Variants in INPP4B observed in about 807,000 individuals in gnomAD.
The protein encoded by INPP4B is inositol polyphosphate-4-phosphatase type II B.
A neutral mutation model predicts 122.5 loss-of-function variants in INPP4B; 55 were observed. That is an observed-to-expected ratio of 0.45 (90% CI 0.36 to 0.56). INPP4B has a LOEUF of 0.56. INPP4B is among the 20% of genes least tolerant of loss of function. INPP4B has a pLI of 0.00. For synonymous variants in INPP4B, 403 were observed against 388.7 expected (o/e 1.04, Z -0.43); for missense variants, 1,000 against 1,097.7 (o/e 0.91, Z 1.26).
In INPP4B at chr4:142,042,626, G is replaced by T. The variant is rs890509571; in HGVS notation, c.2643-13712C>A. Among the ~76,000 whole-genome samples the T allele has an allele frequency of 3.3e-5, 5 of 152,104 alleles. No individual in the cohort carries two copies. The South Asian group carries it at 1.0e-3, about 32-fold the overall frequency. ...CGCCCAGGCTGGAGTGCAGTGATGC[G>T]ATCTCAGCTCACTGCAACCTCCGCC... On this transcript the variant is annotated intron_variant, in intron 25 of 25. Transcript: ENST00000262992.
chr4:142,118,280 T>C (rs1459460041), intron 21 of INPP4B, among the ~76,000 whole-genome samples: 8 of 152,152 alleles, frequency 5.3e-5, no homozygotes, highest in South Asian at 2.1e-4. Context: ...CTTCACAGAA[T>C]TGGAAAAAAC....
intron 1 of INPP4B, among the ~76,000 whole-genome samples, chr4:142,832,825 T>C (rs1219299103): frequency 2.0e-5 from 3 of 152,124 alleles, no homozygotes; most frequent in Non-Finnish European, 2.9e-5. Context: ...TACTGGATTT[T>C]TAAATTTCAC....
intron 24 of INPP4B, 148 bp downstream of exon 24, chr4:142,085,996 C>A: frequency 3.1e-6 from 2 of 648,388 alleles, no homozygotes; most frequent in African/African-American, 1.9e-5. Flanking sequence ...GAACTACCAA[C>A]AAGAGTAAAA....
chr4:142,159,462 A>G (rs11724936), intron 17 of INPP4B, among the ~76,000 whole-genome samples: 16,623 of 151,524 alleles, frequency 0.11, 988 homozygotes, highest in Middle Eastern at 0.14. Context: ...ACAGCCTTTC[A>G]GATAACATTT....
At chr4:142,676,941 T>C (rs1757897142) in intron 2 of INPP4B, among the ~76,000 whole-genome samples, 1 of 152,150 alleles carries the variant, frequency 6.6e-6, no homozygotes, top group Non-Finnish European at 1.5e-5. Context: ...GGCGCAGACT[T>C]CATTACCAAA....
intron 2 of INPP4B, among the ~76,000 whole-genome samples, chr4:142,619,742 G>A (rs1329581222): frequency 6.6e-6 from 1 of 151,970 alleles, no homozygotes; most frequent in Non-Finnish European, 1.5e-5. Context: ...AATGTGTTAA[G>A]AGGGCAGATC....
At chr4:142,125,777 C>A (rs1331381958) in intron 18 of INPP4B, among the ~76,000 whole-genome samples, 1 of 152,094 alleles carries the variant, frequency 6.6e-6, no homozygotes, top group Non-Finnish European at 1.5e-5. Context: ...TTTTCCTCTG[C>A]AAGAAAGATA....
chr4:142,221,227 G>A (rs1443196704), intron 12 of INPP4B, among the ~76,000 whole-genome samples: 2 of 151,616 alleles, frequency 1.3e-5, no homozygotes, highest in African/African-American at 4.8e-5. Context: ...GTGAAACCAT[G>A]TCTCTACTAA....
chr4:142,758,938 G>C (rs920662610), intron 1 of INPP4B, among the ~76,000 whole-genome samples: 13 of 144,828 alleles, frequency 9.0e-5, no homozygotes, highest in Non-Finnish European at 1.5e-4. Context: ...GAGAGACAGA[G>C]TGAGACTCAG....
chr4:142,837,890 C>A (rs564239559), intron 1 of INPP4B, among the ~76,000 whole-genome samples: 1 of 152,070 alleles, frequency 6.6e-6, no homozygotes. Context: ...CAGAAAATAT[C>A]CATCACAGTG....
At chr4:142,508,438 C>T (rs760776783) in intron 2 of INPP4B, among the ~76,000 whole-genome samples, 7 of 152,084 alleles carry the variant, frequency 4.6e-5, no homozygotes, top group Non-Finnish European at 8.8e-5. Context: ...CCATGCCTGG[C>T]TAATTTTTGT....
intron 2 of INPP4B, among the ~76,000 whole-genome samples, chr4:142,576,244 G>C (rs915978325): frequency 6.6e-6 from 1 of 151,910 alleles, no homozygotes; most frequent in East Asian, 1.9e-4. Context: ...GTAGCAGAAC[G>C]TTCCAGAATT....
At chr4:142,593,833 GTTAT>G (rs1205531439) in intron 2 of INPP4B, among the ~76,000 whole-genome samples, 1 of 151,606 alleles carries the variant, frequency 6.6e-6, no homozygotes, top group Non-Finnish European at 1.5e-5. Flanking sequence ...CTACTCCATA[GTTAT>G]TTATATATTA....
At chr4:142,424,538 C>G (rs186062136) in intron 5 of INPP4B, among the ~76,000 whole-genome samples, 1 of 151,976 alleles carries the variant, frequency 6.6e-6, no homozygotes, top group Non-Finnish European at 1.5e-5. Context: ...CACACAGACA[C>G]GGATAGTTAA....
chr4:142,173,987 T>C (rs1826800941), intron 15 of INPP4B, among the ~76,000 whole-genome samples, 178 bp from the exon 16 acceptor site: 2 of 152,088 alleles, frequency 1.3e-5, no homozygotes, highest in South Asian at 4.1e-4. Flanking sequence ...ACGAAAATGC[T>C]TTTTAAAACT....
In INPP4B at chr4:142,224,125, G is replaced by A. The variant is rs1313007312; in HGVS notation, c.836+13739C>T. Among the ~76,000 whole-genome samples, 6 of 152,154 alleles carry A rather than the reference G, an allele frequency of 3.9e-5. No homozygotes were observed. In the South Asian group the frequency reaches 6.2e-4, roughly 16 times the overall value. ...AAAATCAAGACACAAGGCGAGGCTG[G>A]AGAAATAGCTAGATATAAAATCATG... On this transcript the variant is annotated intron_variant, in intron 12 of 25. Transcript: ENST00000262992.
At chr4:142,259,304 T>C (rs1738346414) in intron 11 of INPP4B, among the ~76,000 whole-genome samples, 1 of 151,324 alleles carries the variant, frequency 6.6e-6, no homozygotes, top group Non-Finnish European at 1.5e-5. Flanking sequence ...TGTATACATA[T>C]GTAACTAACC....
chr4:142,508,509 G>A (rs1275388427), intron 2 of INPP4B, among the ~76,000 whole-genome samples: 1 of 152,098 alleles, frequency 6.6e-6, no homozygotes, highest in African/African-American at 2.4e-5. Flanking sequence ...CCCTGACCTT[G>A]AGTGGTCTGC....
intron 1 of INPP4B, among the ~76,000 whole-genome samples, chr4:142,821,738 T>C (rs1395440540): frequency 6.6e-6 from 1 of 152,168 alleles, no homozygotes; most frequent in Non-Finnish European, 1.5e-5. Context: ...CCTCATAGAA[T>C]TGTGGAGAGA....
Sources: gnomAD v4.1 joint callset for allele counts (sites outside exome capture counted in the v4.1 genomes callset) on GRCh38, gnomAD v4.1.1 for gene constraint, MANE v1.5 for transcripts, NCBI Gene and HGNC (gene_info 2026-07-23, HGNC 2026-07-21) for gene names.